The following SFXN1 variants were observed in gnomAD, a reference collection of about 807,000 sequenced individuals.
SFXN1 encodes sideroflexin 1, also known as sideroflexin-1.
Under a neutral mutation model 39.5 loss-of-function variants are expected in SFXN1, and 32 were observed. The observed-to-expected ratio is 0.81, with a 90% CI of 0.61 to 1.09. The LOEUF is 1.09. SFXN1 is among the 50% of genes least tolerant of loss of function. The probability of loss-of-function intolerance (pLI) is 0.00; values close to 1 mark genes in which losing one functional copy is unlikely to be tolerated. For missense variants in SFXN1, 402 were observed against 407.1 expected (o/e 0.99, Z 0.11); for synonymous variants, 136 against 146.5 (o/e 0.93, Z 0.52).
intron 8 of SFXN1, among the ~76,000 whole-genome samples, chr5:175,520,060 G>A (rs1007792736): frequency 1.4e-4 from 21 of 151,462 alleles, no homozygotes; most frequent in African/African-American, 5.1e-4. Context: ...AGTAGAGACG[G>A]GATTTCACCA....
intron 10 of SFXN1, among the ~76,000 whole-genome samples, chr5:175,526,294 C>A (rs761927760): frequency 6.6e-6 from 1 of 152,000 alleles, no homozygotes; most frequent in Non-Finnish European, 1.5e-5. Context: ...ATGATTGATA[C>A]GTTTTTCTTA....
chr5:175,491,119 C>T (rs1202215017), intron 1 of SFXN1, among the ~76,000 whole-genome samples: 1 of 152,146 alleles, frequency 6.6e-6, no homozygotes, highest in Admixed American at 6.5e-5. Context: ...AAATTAATTA[C>T]TTTTGGAAAA....
chr5:175,494,855 A>T (rs1000585922), intron 2 of SFXN1, among the ~76,000 whole-genome samples: 1 of 152,056 alleles, frequency 6.6e-6, no homozygotes, highest in African/African-American at 2.4e-5. Context: ...AAATAGAGTT[A>T]AAAAAAATAA....
intron 2 of SFXN1, among the ~76,000 whole-genome samples, chr5:175,502,915 A>G (rs1215796267): frequency 1.3e-5 from 2 of 152,204 alleles, no homozygotes; most frequent in Non-Finnish European, 2.9e-5. Context: ...TAACCAACTC[A>G]TATAAACAAC....
chr5:175,522,306 TA>T, intron 9 of SFXN1, 68 bp from the exon 10 acceptor site: 1 of 1,457,784 alleles, frequency 6.9e-7, no homozygotes, highest in African/African-American at 1.4e-5. Context: ...GTTATAAAAG[TA>T]AAATAGAAAA....
At position 175,496,950 on chromosome 5, in the gene SFXN1, G is replaced by A. The variant is rs138029775; in HGVS notation, c.164+4683G>A. Among the ~76,000 whole-genome samples the A allele has an allele frequency of 2.0e-3, 296 of 151,558 alleles. 2 individuals are homozygous for A. The highest frequency in any genetic ancestry group is 6.8e-3 in the African/African-American group (280 of 41,282). On this transcript the variant is annotated intron_variant, in intron 2 of 10. Transcript: ENST00000321442. ...TCGGTCACCCAGGCTAGAGTGCAGT[G>A]GCACACCAGCTCACTGTAACCTCTG...
intron 1 of SFXN1, among the ~76,000 whole-genome samples, chr5:175,487,475 C>T (rs1470999019): frequency 6.6e-6 from 1 of 152,112 alleles, no homozygotes; most frequent in South Asian, 2.1e-4. Flanking sequence ...TTTGGCCAGT[C>T]GGGCTACCAA....
chr5:175,512,797 A>G (rs2113340343), intron 6 of SFXN1, among the ~76,000 whole-genome samples: 1 of 152,308 alleles, frequency 6.6e-6, no homozygotes, highest in Admixed American at 6.5e-5. Context: ...CAGCATATTA[A>G]GTTTGTTGAC....
chr5:175,492,438 T>C (rs1480196715), intron 2 of SFXN1, 171 bp downstream of exon 2: 10 of 583,190 alleles, frequency 1.7e-5, no homozygotes, highest in Non-Finnish European at 2.6e-5. Context: ...ATATCCCCCA[T>C]TGCTCGCCCT....
intron 8 of SFXN1, among the ~76,000 whole-genome samples, chr5:175,519,773 C>T (rs1027454055): frequency 2.7e-5 from 4 of 146,774 alleles, no homozygotes; most frequent in African/African-American, 1.0e-4. Context: ...TCAGAACTTA[C>T]ATTAAATATG....
rs759387895 is a variant in SFXN1 at position 175,510,115 on chromosome 5, G to A, written c.342G>A (p.Thr114=). 18 of 1,611,148 alleles carry A rather than the reference G, an allele frequency of 1.1e-5. No homozygotes were observed. The highest frequency in any genetic ancestry group is 4.0e-5 in the African/African-American group (3 of 74,858). The change falls in exon 4 of 11, where the codon ACG becomes ACA. Residue 114 remains threonine, a synonymous_variant. Coordinates refer to ENST00000321442, the MANE Select transcript of SFXN1 (RefSeq NM_022754.7). ...TGCMMTFYRT[T]PAVLFWQWIN... is the part of the protein sequence containing the mutation. ...ACGGATGCCTCTGTTTTAGGACTAC[G>A]CCGGCTGTGCTGTTCTGGCAGTGGA...
intron 10 of SFXN1, among the ~76,000 whole-genome samples, chr5:175,525,455 G>C (rs1056565933): frequency 6.6e-6 from 1 of 151,928 alleles, no homozygotes; most frequent in African/African-American, 2.4e-5. Flanking sequence ...TCACTCAAAG[G>C]CCCACTACAT....
intron 8 of SFXN1, 122 bp downstream of exon 8, chr5:175,516,785 C>A: frequency 5.6e-6 from 5 of 895,440 alleles, no homozygotes; most frequent in South Asian, 2.1e-5. Context: ...TGGGCTCTTA[C>A]GTAAATAAAA....
intron 4 of SFXN1, among the ~76,000 whole-genome samples, chr5:175,511,144 C>T (rs1381614760): frequency 1.3e-5 from 2 of 152,152 alleles, no homozygotes. Context: ...ACACACAGCT[C>T]CCCTCCTTCT....
intron 1 of SFXN1, among the ~76,000 whole-genome samples, chr5:175,485,768 G>C (rs1365993395): frequency 1.3e-5 from 2 of 152,182 alleles, no homozygotes; most frequent in Non-Finnish European, 2.9e-5. Flanking sequence ...TCCAGTGCCA[G>C]GATTTCGGTG....
At chr5:175,494,013 GA>G (rs1759762159) in intron 2 of SFXN1, among the ~76,000 whole-genome samples, 1 of 152,048 alleles carries the variant, frequency 6.6e-6, no homozygotes, top group Admixed American at 6.5e-5. Flanking sequence ...AGAAGGGTAC[GA>G]AAAAGACTCT....
At chr5:175,507,842 G>A (rs990309025) in intron 2 of SFXN1, among the ~76,000 whole-genome samples, 1 of 152,062 alleles carries the variant, frequency 6.6e-6, no homozygotes, top group South Asian at 2.1e-4. Context: ...GCATGGTGGC[G>A]CATGCCTATA....
intron 1 of SFXN1, among the ~76,000 whole-genome samples, chr5:175,489,283 A>ATT (rs1759569004): frequency 6.6e-6 from 1 of 152,234 alleles, no homozygotes; most frequent in Admixed American, 6.5e-5. Flanking sequence ...ATGATTACGT[A>ATT]TGATTACGTG....
chr5:175,507,929 T>C (rs1214402889), intron 2 of SFXN1, among the ~76,000 whole-genome samples: 1 of 148,698 alleles, frequency 6.7e-6, no homozygotes. Flanking sequence ...GCTGAGATCA[T>C]GCCATTGCAC....
Sources: allele counts gnomAD v4.1 joint callset (sites outside exome capture counted in the v4.1 genomes callset), GRCh38; gene constraint gnomAD v4.1.1; transcripts MANE v1.5; gene names NCBI Gene and HGNC (gene_info 2026-07-23, HGNC 2026-07-21).